The following CPQ variants were observed in gnomAD, a reference collection of about 807,000 sequenced individuals.
CPQ encodes the protein carboxypeptidase Q.
In CPQ, 37 loss-of-function variants were observed where a neutral mutation model predicts 45.7. That is an observed-to-expected ratio of 0.81 (90% CI 0.62 to 1.07). CPQ has a LOEUF of 1.07. CPQ is among the 50% of genes least tolerant of loss of function. The pLI is 0.00. For synonymous variants in CPQ, 186 were observed against 205.8 expected (o/e 0.90, Z 0.82); for missense variants, 537 against 572.9 (o/e 0.94, Z 0.64).
chr8:96,655,162 T>C (rs75138188), intron 1 of CPQ, among the ~76,000 whole-genome samples: 1,727 of 152,230 alleles, frequency 0.011, 59 homozygotes, highest in Admixed American at 0.075. Flanking sequence ...ATATACTTTC[T>C]GGCCATTTTT....
chr8:97,122,490 A>G (rs549635926), intron 7 of CPQ, among the ~76,000 whole-genome samples: 6 of 152,184 alleles, frequency 3.9e-5, no homozygotes, highest in Non-Finnish European at 7.3e-5. Context: ...AAATTTGATG[A>G]GCAATTTTTT....
intron 1 of CPQ, among the ~76,000 whole-genome samples, chr8:96,684,640 G>C (rs947483570): frequency 5.3e-5 from 8 of 152,122 alleles, no homozygotes; most frequent in Non-Finnish European, 1.2e-4. Flanking sequence ...TCAGGCCCCT[G>C]GATGGAACAT....
chr8:96,928,123 G>A (rs1187181447), intron 4 of CPQ, among the ~76,000 whole-genome samples: 1 of 152,092 alleles, frequency 6.6e-6, no homozygotes, highest in Non-Finnish European at 1.5e-5. Context: ...CATTTTATGG[G>A]TTGACTGTGC....
In CPQ at chr8:96,653,585, C is replaced by A. The variant is rs139465664; in HGVS notation, c.-35+8183C>A. Among the ~76,000 whole-genome samples, 823 of 152,232 alleles carry A rather than the reference C, an allele frequency of 5.4e-3. 5 individuals are homozygous for A. Among genetic ancestry groups the A allele is most frequent in the Non-Finnish European group, 8.5e-3 (579 of 68,004 alleles). Reference sequence around the variant, plus strand: ...TGTTGACTGGAAGCCTTACCAGTAACATAAATAGCCAATTAACACATATTT... The same window carrying A: ...TGTTGACTGGAAGCCTTACCAGTAAAATAAATAGCCAATTAACACATATTT... On this transcript the variant is annotated intron_variant, in intron 1 of 7. Coordinates refer to ENST00000220763, the MANE Select transcript of CPQ (RefSeq NM_016134.4).
intron 2 of CPQ, among the ~76,000 whole-genome samples, chr8:96,833,866 A>G (rs1811491276): frequency 6.6e-6 from 1 of 152,224 alleles, no homozygotes; most frequent in South Asian, 2.1e-4. Context: ...AAATTCTTGC[A>G]TACCTGTAGT....
At chr8:96,810,735 A>G (rs1416433957) in intron 2 of CPQ, among the ~76,000 whole-genome samples, 26 of 152,204 alleles carry the variant, frequency 1.7e-4, no homozygotes, top group Admixed American at 1.7e-3. Context: ...GACTCCTTAT[A>G]GCATCTAGTT....
chr8:96,896,756 A>T (rs1812448397), intron 4 of CPQ, among the ~76,000 whole-genome samples: 1 of 152,132 alleles, frequency 6.6e-6, no homozygotes, highest in African/African-American at 2.4e-5. Flanking sequence ...TTATGTGCAT[A>T]TAGGAGCATC....
rs1424149915 is a variant in CPQ at position 97,009,185 on chromosome 8, G to A, written c.962-20218G>A. Among the ~76,000 whole-genome samples, 10 of 152,338 alleles carry A rather than the reference G, an allele frequency of 6.6e-5. No individual in the cohort carries two copies. In the South Asian group the frequency reaches 1.2e-3, roughly 19 times the overall value. ...TTGCTTGGTCTTCAGCCTGTCAGGC[G>A]CTGAGCACTTGTTCTCCATCTGAAC... On this transcript the variant is annotated intron_variant, in intron 5 of 7. Coordinates refer to ENST00000220763, the MANE Select transcript of CPQ (RefSeq NM_016134.4).
At chr8:96,675,729 G>C (rs1212888663) in intron 1 of CPQ, among the ~76,000 whole-genome samples, 1 of 152,026 alleles carries the variant, frequency 6.6e-6, no homozygotes, top group Non-Finnish European at 1.5e-5. Flanking sequence ...TAATGTGATG[G>C]AGGGGAACAG....
intron 5 of CPQ, among the ~76,000 whole-genome samples, chr8:96,988,474 TG>T (rs1430848563): frequency 3.3e-5 from 5 of 152,200 alleles, no homozygotes; most frequent in South Asian, 2.1e-4. Flanking sequence ...TTTCAGTAAA[TG>T]TTTTTTTATT....
chr8:96,855,133 C>T (rs1202379447), intron 3 of CPQ, among the ~76,000 whole-genome samples: 5 of 152,246 alleles, frequency 3.3e-5, no homozygotes, highest in Middle Eastern at 3.4e-3. Context: ...GAATAGGGTC[C>T]ACTCACATTG....
chr8:96,687,129 A>T (rs944540646), intron 1 of CPQ, among the ~76,000 whole-genome samples: 2 of 151,558 alleles, frequency 1.3e-5, no homozygotes, highest in African/African-American at 2.4e-5. Flanking sequence ...TGTTGGGTTT[A>T]CTTATTCTTT....
chr8:96,997,287 A>T (rs960094104), intron 5 of CPQ, among the ~76,000 whole-genome samples: 5 of 151,980 alleles, frequency 3.3e-5, no homozygotes, highest in Non-Finnish European at 7.4e-5. Context: ...TGATATACAC[A>T]GACCCTAGAG....
chr8:96,928,829 G>A (rs1426960776), intron 4 of CPQ, among the ~76,000 whole-genome samples: 1 of 152,116 alleles, frequency 6.6e-6, no homozygotes. Flanking sequence ...CGAGTCTGAG[G>A]GTGGCAAATC....
At chr8:96,704,577 G>C (rs1000843823) in intron 1 of CPQ, among the ~76,000 whole-genome samples, 3 of 152,126 alleles carry the variant, frequency 2.0e-5, no homozygotes, top group Admixed American at 1.3e-4. Flanking sequence ...TGGAACATTA[G>C]AATGTGTGAT....
chr8:96,757,354 GATAATAATAATAATA>G (rs3036414), intron 1 of CPQ, among the ~76,000 whole-genome samples: 3,967 of 139,378 alleles, frequency 0.028, 64 homozygotes, highest in Middle Eastern at 0.059. Flanking sequence ...CCATCTCAAT[GATAATAATAATAATA>G]ATAATAATAA....
intron 1 of CPQ, among the ~76,000 whole-genome samples, chr8:96,729,007 A>G (rs1367207213): frequency 2.0e-5 from 3 of 152,202 alleles, no homozygotes; most frequent in African/African-American, 7.2e-5. Flanking sequence ...AAGTGATATC[A>G]TCTGTGGTTG....
chr8:96,818,673 G>C (rs2130834952), intron 2 of CPQ, among the ~76,000 whole-genome samples: 1 of 152,156 alleles, frequency 6.6e-6, no homozygotes, highest in South Asian at 2.1e-4. Flanking sequence ...GTAGAAGTAG[G>C]GTGGCCACAG....
chr8:96,665,683 C>G (rs1193089427), intron 1 of CPQ, among the ~76,000 whole-genome samples: 1 of 152,162 alleles, frequency 6.6e-6, no homozygotes, highest in Admixed American at 6.5e-5. Context: ...GCATACCTGG[C>G]TCTCCAGGGT....
Sources: allele counts gnomAD v4.1 joint callset (sites outside exome capture counted in the v4.1 genomes callset), GRCh38; gene constraint gnomAD v4.1.1; transcripts MANE v1.5; gene names NCBI Gene and HGNC (gene_info 2026-07-23, HGNC 2026-07-21).